DRAXIN: variants seen among roughly 807,000 people sequenced by gnomAD.
DRAXIN encodes the protein dorsal inhibitory axon guidance protein.
In DRAXIN, 27 loss-of-function variants were observed where a neutral mutation model predicts 33.9. The observed-to-expected ratio is 0.80, with a 90% CI of 0.59 to 1.10. The LOEUF (loss-of-function observed/expected upper bound fraction) is 1.10. DRAXIN is among the 50% of genes least tolerant of loss of function. The pLI is 0.00. For synonymous variants in DRAXIN, 178 were observed against 194.0 expected, an observed-to-expected ratio of 0.92 and a Z score of 0.69; for missense variants, 371 against 460.8, an observed-to-expected ratio of 0.81 and a Z score of 1.78.
At chr1:11,689,292 CAAAAAAAAAAA>C (rs70983584), upstream of DRAXIN, among the ~76,000 whole-genome samples, 2 of 67,986 alleles carry the variant, frequency 2.9e-5, no homozygotes, top group Non-Finnish European at 5.2e-5. Flanking sequence ...GACTCTGTCT[CAAAAAAAAAAA>C]AAAAAAAAAA....
At chr1:11,709,841 A>C (rs57863638) in intron 3 of DRAXIN, among the ~76,000 whole-genome samples, 2,289 of 152,366 alleles carry the variant, frequency 0.015, 62 homozygotes, top group African/African-American at 0.05. Flanking sequence ...GTCAAGACCC[A>C]GAATTAATAA....
At chr1:11,714,225 A>G (rs1534986) in intron 5 of DRAXIN, among the ~76,000 whole-genome samples, 81,856 of 151,390 alleles carry the variant, frequency 0.54, 22,339 homozygotes, top group East Asian at 0.76. Context: ...AACAAAAAGC[A>G]CAACAGATTT....
rs1641501243 is a variant in DRAXIN at position 11,711,975 on chromosome 1, C to T, written c.757+10C>T. 1 of 1,607,642 alleles carries T rather than the reference C, an allele frequency of 6.2e-7. No homozygotes were observed. The highest frequency in any genetic ancestry group is 8.5e-7 in the Non-Finnish European group (1 of 1,176,432). On this transcript the variant is annotated intron_variant, in intron 4 of 6. Coordinates refer to ENST00000294485, the MANE Select transcript of DRAXIN (RefSeq NM_198545.4). Reference sequence around the variant, plus strand: ...TCTGCAAAGAAGAAAGGTATGCCCACCTACCCCACTATCTTCCATGCCTGG... The same window carrying T: ...TCTGCAAAGAAGAAAGGTATGCCCATCTACCCCACTATCTTCCATGCCTGG...
In DRAXIN at chr1:11,692,383, G is replaced by A. The variant is rs577415794; in HGVS notation, c.-11+530G>A. 6.6e-6 allele frequency among the ~76,000 whole-genome samples: 1 copy of A among 152,316 alleles called. No individual in the cohort carries two copies. Among genetic ancestry groups the A allele is most frequent in the East Asian group, 1.9e-4 (1 of 5,172 alleles). On this transcript the variant is annotated intron_variant, in intron 1 of 6. Transcript: ENST00000294485. This position sits in a 1 kb window ranked among gnomAD's most constrained non-coding sequence, Gnocchi z 5.8. ...TTTCGAGGCCGCCCAGGAGGCTGGG[G>A]TGTGTGGCCGGGGTCGCTGAGTGCG...
At chr1:11,710,853 C>T (rs1293370733) in intron 3 of DRAXIN, among the ~76,000 whole-genome samples, 1 of 131,916 alleles carries the variant, frequency 7.6e-6, no homozygotes, top group African/African-American at 3.0e-5. Flanking sequence ...ACCCGGGAGG[C>T]AGAGCTTGCA....
chr1:11,696,745 C>T lies in DRAXIN; in HGVS notation c.-11+4892C>T, dbSNP rs1334183048. On this transcript the variant is annotated intron_variant, in intron 1 of 6. Transcript: ENST00000294485. This position sits in a 1 kb window ranked among gnomAD's most constrained non-coding sequence, Gnocchi z 4.7. ...GTGTGCACCTGTAGTCCCAGCTACTCGGGAGGCTGAGGCAGAAGAATTGCT... is the reference window on the plus strand; with the variant it reads ...GTGTGCACCTGTAGTCCCAGCTACTTGGGAGGCTGAGGCAGAAGAATTGCT... Among the ~76,000 whole-genome samples, 6 of 151,946 alleles carry T rather than the reference C, an allele frequency of 3.9e-5. No homozygotes were observed. Among genetic ancestry groups the T allele is most frequent in the African/African-American group, 7.3e-5 (3 of 41,366 alleles).
intron 1 of DRAXIN, among the ~76,000 whole-genome samples, chr1:11,699,842 G>A (rs922764354): frequency 4.6e-5 from 7 of 152,130 alleles, no homozygotes; most frequent in African/African-American, 1.2e-4. Context: ...CAGGAGAATC[G>A]TTTGAACCTA....
chr1:11,701,765 T>C (rs560576975), intron 1 of DRAXIN, among the ~76,000 whole-genome samples: 2 of 152,254 alleles, frequency 1.3e-5, no homozygotes, highest in Non-Finnish European at 2.9e-5. Flanking sequence ...GCCTCCTCCT[T>C]CTGCCTGGTT....
upstream of DRAXIN, among the ~76,000 whole-genome samples, chr1:11,687,506 T>C (rs1640980310): frequency 6.6e-6 from 1 of 152,084 alleles, no homozygotes; most frequent in Non-Finnish European, 1.5e-5. This position sits in a 1 kb window ranked among gnomAD's most constrained non-coding sequence, Gnocchi z 4.1. Flanking sequence ...TCCCAAAGTG[T>C]TGGGATGACA....
upstream of DRAXIN, among the ~76,000 whole-genome samples, chr1:11,689,098 C>T (rs1025736502): frequency 6.6e-6 from 1 of 152,130 alleles, no homozygotes; most frequent in African/African-American, 2.4e-5. Flanking sequence ...GAGTTCGAGA[C>T]CCGCCTGGGC....
rs780290464 is a variant in DRAXIN at position 11,711,943 on chromosome 1, T to C, written c.735T>C (p.Gly245=). The change falls in exon 4 of 7, where the codon GGT becomes GGC. Residue 245 remains glycine (G), a synonymous_variant. Transcript: ENST00000294485. Reference sequence around the variant, plus strand: ...ATTATGAAGACTTAAAACCTGATGGTTGGCCCTCTGCAAAGAAGAAAGGTA... The same window carrying C: ...ATTATGAAGACTTAAAACCTGATGGCTGGCCCTCTGCAAAGAAGAAAGGTA... ...WTDYEDLKPD[G]WPSAKKKEKH... 7.4e-5 allele frequency: 119 copies of C among 1,613,384 alleles called. No individual in the cohort carries two copies. Among genetic ancestry groups the C allele is most frequent in the Non-Finnish European group, 9.8e-5 (116 of 1,179,744 alleles).
chr1:11,704,896 C>A lies in DRAXIN; in HGVS notation c.-10-1353C>A, dbSNP rs960287741. 5.3e-5 allele frequency among the ~76,000 whole-genome samples: 8 copies of A among 152,180 alleles called. No individual in the cohort carries two copies. Among genetic ancestry groups the A allele is most frequent in the Admixed American group, 5.2e-4 (8 of 15,278 alleles). ...GGGATGGAGGCAGAACTGGGTGAAG[C>A]CACCACAGACCCTGCGAGGCTGGAG... On this transcript the variant is annotated intron_variant, in intron 1 of 6. Coordinates refer to ENST00000294485, the MANE Select transcript of DRAXIN (RefSeq NM_198545.4). The surrounding 1 kb of genome is among the most constrained non-coding windows in gnomAD (Gnocchi z 4.6).
intron 6 of DRAXIN, among the ~76,000 whole-genome samples, chr1:11,719,115 G>C (rs760373642): frequency 9.2e-5 from 14 of 152,088 alleles, no homozygotes; most frequent in Non-Finnish European, 1.8e-4. Context: ...TGTTGGCCAG[G>C]CTGGTCTCAA....
Position 11,724,671 on chromosome 1 carries a change from C to G in DRAXIN, c.*4975C>G, listed in dbSNP as rs990694370. On this transcript the variant is annotated 3_prime_UTR_variant, in exon 7 of 7. Transcript: ENST00000294485. ...CACGGCCCCTGCCGTGGGGCTCACT[C>G]TGCAGCTGGAGAGACAGCATACCTG... The G allele has an allele frequency of 6.6e-6, 1 of 152,302 alleles. No homozygotes were observed. The highest frequency in any genetic ancestry group is 2.4e-5 in the African/African-American group (1 of 41,472). 9.4% of individuals were successfully genotyped at this position (152,302 alleles called of 1,614,324 possible). A position where few individuals can be genotyped will look rare whatever the true frequency, so the allele number is the denominator to read the frequency against.
At chr1:11,700,163 G>C (rs1641250640) in intron 1 of DRAXIN, among the ~76,000 whole-genome samples, 1 of 151,868 alleles carries the variant, frequency 6.6e-6, no homozygotes, top group South Asian at 2.1e-4. Flanking sequence ...ACGGGAGACG[G>C]AGGTTGCAGT....
At chr1:11,695,601 CAAAA>C (rs35198989) in intron 1 of DRAXIN, among the ~76,000 whole-genome samples, 7 of 143,362 alleles carry the variant, frequency 4.9e-5, no homozygotes, top group African/African-American at 7.9e-5. Context: ...GATTCTGTCT[CAAAA>C]AAAAAAATAT....
intron 6 of DRAXIN, among the ~76,000 whole-genome samples, chr1:11,716,317 C>T (rs1235280924): frequency 6.6e-6 from 1 of 152,272 alleles, no homozygotes; most frequent in East Asian, 1.9e-4. Flanking sequence ...CTTATTCCGA[C>T]ATGATTTCTA....
intron 1 of DRAXIN, among the ~76,000 whole-genome samples, chr1:11,700,918 T>C (rs759072901): frequency 2.0e-5 from 3 of 152,152 alleles, no homozygotes; most frequent in Non-Finnish European, 4.4e-5. Context: ...AGCTCCACAG[T>C]TGTCCCTCAG....
intron 6 of DRAXIN, 109 bp from the exon 7 acceptor site, chr1:11,719,475 C>T: frequency 2.1e-6 from 2 of 935,124 alleles, no homozygotes; most frequent in South Asian, 1.5e-5. Context: ...GGTTGTAGGG[C>T]AGAATAATGA....
Sources: allele counts gnomAD v4.1 joint callset (sites outside exome capture counted in the v4.1 genomes callset), GRCh38; gene constraint gnomAD v4.1.1; non-coding constraint Gnocchi (gnomAD v3.1); transcripts MANE v1.5; gene names NCBI Gene and HGNC (gene_info 2026-07-23, HGNC 2026-07-21).